ZNF624: variants seen among roughly 807,000 people sequenced by gnomAD.
The protein encoded by ZNF624 is zinc finger protein 624.
A neutral mutation model predicts 74.7 loss-of-function variants in ZNF624; 43 were observed. The observed-to-expected ratio is 0.58, with a 90% confidence interval of 0.45 to 0.74. The LOEUF is 0.74. ZNF624 is among the 30% of genes least tolerant of loss of function. ZNF624 has a pLI of 0.00. For missense variants in ZNF624, 820 were observed against 1,030.0 expected (o/e 0.80, Z 2.79); for synonymous variants, 331 against 341.3 (o/e 0.97, Z 0.33).
chr17:16,619,986 AATAGTT>A (rs1395243263), downstream of ZNF624, among the ~76,000 whole-genome samples: 1 of 152,206 alleles, frequency 6.6e-6, no homozygotes, highest in African/African-American at 2.4e-5. Context: ...GTCTCTTAGT[AATAGTT>A]AATGTTTCAC....
intron 3 of ZNF624, among the ~76,000 whole-genome samples, chr17:16,642,529 A>G (rs1464732120): frequency 6.6e-6 from 1 of 152,228 alleles, no homozygotes; most frequent in Non-Finnish European, 1.5e-5. Flanking sequence ...AAAATGGACT[A>G]TAGACCTAAA....
Position 16,623,477 on chromosome 17 carries a change from T to C in ZNF624, c.1409A>G (p.Lys470Arg), listed in dbSNP as rs1318305123. The change falls in exon 6 of 6, where the codon AAA (lysine) becomes AGA (arginine). Residue 470 changes from lysine (K) to arginine (R), a missense_variant. By Grantham distance (26) the Lys-to-Arg change is conservative (BLOSUM62 2). Coordinates refer to ENST00000311331, the MANE Select transcript of ZNF624 (RefSeq NM_020787.4). This position sits in a 1 kb window ranked among gnomAD's most constrained non-coding sequence, Gnocchi z 5.3. Reference sequence around the variant, plus strand: ...TCCACATTCGTTACATCTAAAAGGTTTCTCTCCAGTATGAATCCTCTGATG... The same window carrying C: ...TCCACATTCGTTACATCTAAAAGGTCTCTCTCCAGTATGAATCCTCTGATG... ...NVHQRIHTGE[K>R]PFRCNECGKA... 1 of 1,613,794 alleles carries C rather than the reference T, an allele frequency of 6.2e-7. No individual in the cohort carries two copies. Among genetic ancestry groups the C allele is most frequent in the South Asian group, 1.1e-5 (1 of 91,014 alleles).
chr17:16,614,351 G>A, the ZNF624 span, among the ~76,000 whole-genome samples: 105 of 152,020 alleles, frequency 6.9e-4, no homozygotes, highest in African/African-American at 2.4e-3. Flanking sequence ...ACTGAAGAAG[G>A]GAACATCACT....
intron 5 of ZNF624, among the ~76,000 whole-genome samples, chr17:16,627,454 T>C (rs1203718266): frequency 1.3e-5 from 2 of 152,204 alleles, no homozygotes; most frequent in Admixed American, 6.5e-5. Flanking sequence ...ATTTGAAATG[T>C]TGGACAAAAG....
rs781695400 is a variant in ZNF624, at chr17:16,633,935, G to A, written c.303C>T (p.Asp101=). 4.3e-6 allele frequency: 7 copies of A among 1,613,336 alleles called. No individual in the cohort carries two copies. Among genetic ancestry groups the A allele is most frequent in the Non-Finnish European group, 5.9e-6 (7 of 1,179,590 alleles). The part of the protein sequence containing the change: ...VSLGLAVSKP[D]MISHLENGKG... ...TCCCATTCTCCAAATGAGATATCAT[G>A]TCTGGTTTGGAAACTGCAAGCCCTG... is the stretch of plus-strand genomic sequence containing the variant. Residue 101 remains aspartate, a synonymous_variant, in exon 5 of 6, where the codon GAC becomes GAT. Coordinates refer to ENST00000311331, the MANE Select transcript of ZNF624 (RefSeq NM_020787.4).
At chr17:16,651,558 G>A (rs573031772) in intron 1 of ZNF624, among the ~76,000 whole-genome samples, 3 of 152,232 alleles carry the variant, frequency 2.0e-5, no homozygotes, top group Non-Finnish European at 2.9e-5. Flanking sequence ...GGAGGAAAGC[G>A]GTACAGTGTG....
rs1176543887 is a variant in ZNF624, at chr17:16,622,713, T to C, written c.2173A>G (p.Lys725Glu). The C allele has an allele frequency of 6.2e-7, 1 of 1,613,884 alleles. No homozygotes were observed. Among genetic ancestry groups the C allele is most frequent in the Non-Finnish European group, 8.5e-7 (1 of 1,179,974 alleles). ...QRTHTGEKPF[K>E]CNDCGKAFSQ... ...AATGCTTTCCCACAGTCATTACATTTAAATGGTTTCTCTCCAGTATGTGTT... is the reference window on the plus strand; with the variant it reads ...AATGCTTTCCCACAGTCATTACATTCAAATGGTTTCTCTCCAGTATGTGTT... Residue 725 changes from lysine to glutamate, a missense_variant, in exon 6 of 6, where the codon AAA becomes GAA. Physicochemically the swap from Lys to Glu is moderately conservative, Grantham distance 56 (BLOSUM62 1). Coordinates refer to ENST00000311331, the MANE Select transcript of ZNF624 (RefSeq NM_020787.4).
At position 16,621,179 on chromosome 17, in the gene ZNF624, TAC is replaced by T. The variant is rs1569039357; in HGVS notation, c.*1107_*1108del. On this transcript the variant is annotated 3_prime_UTR_variant, in exon 6 of 6. Transcript: ENST00000311331. Reference sequence around the variant, plus strand: ...TTGTTATAAAGCAATTATTTATCAATACATTGTGGAAATACATTGAAATCAGC... The same window carrying T: ...TTGTTATAAAGCAATTATTTATCAATATTGTGGAAATACATTGAAATCAGC... 1.3e-5 allele frequency: 2 copies of T among 152,258 alleles called. No homozygotes were observed. 9.4% of individuals were successfully genotyped at this position (152,258 alleles called of 1,614,324 possible). A position where few individuals can be genotyped will look rare whatever the true frequency, so the allele number is the denominator to read the frequency against.
chr17:16,648,366 T>A (rs1224309950), intron 2 of ZNF624, among the ~76,000 whole-genome samples: 1 of 152,150 alleles, frequency 6.6e-6, no homozygotes, highest in Non-Finnish European at 1.5e-5. Flanking sequence ...AAGATCACTA[T>A]GAAAAAATGT....
downstream of ZNF624, chr17:16,617,210 G>C: frequency 1.2e-6 from 2 of 1,612,614 alleles, no homozygotes; most frequent in Non-Finnish European, 1.7e-6. Flanking sequence ...GACCTGGAAC[G>C]GGAGCGACTT....
downstream of ZNF624, chr17:16,617,458 T>G: frequency 6.2e-7 from 1 of 1,611,338 alleles, no homozygotes; most frequent in Non-Finnish European, 8.5e-7. Flanking sequence ...TCCTTCCTTG[T>G]GGGCATCCGC....
intron 1 of ZNF624, among the ~76,000 whole-genome samples, chr17:16,651,405 G>A (rs141514826): frequency 6.6e-6 from 1 of 150,410 alleles, no homozygotes; most frequent in Non-Finnish European, 1.5e-5. Flanking sequence ...ACTCCTGCCT[G>A]GGCGACACAG....
chr17:16,623,117 C>T lies in ZNF624; in HGVS notation c.1769G>A (p.Gly590Glu). 1 of 1,613,928 alleles carries T rather than the reference C, an allele frequency of 6.2e-7. No individual in the cohort carries two copies. The highest frequency in any genetic ancestry group is 1.1e-5 in the South Asian group (1 of 91,066). Residue 590 changes from glycine to glutamate, a missense_variant, in exon 6 of 6, where the codon GGG becomes GAG. By Grantham distance (98) the Gly-to-Glu change is moderately conservative (BLOSUM62 -2). Coordinates refer to ENST00000311331, the MANE Select transcript of ZNF624 (RefSeq NM_020787.4). This position sits in a 1 kb window ranked among gnomAD's most constrained non-coding sequence, Gnocchi z 5.3. ...EEKPYLCNEC[G>E]ESFRIKSHLT... ...GTGTGATTTTATTCTGAAAGACTCC[C>T]CACATTCATTGCACAGATAAGGTTT...
At chr17:16,616,937 A>T, downstream of ZNF624, 3 of 1,562,774 alleles carry the variant, frequency 1.9e-6, no homozygotes, top group Non-Finnish European at 2.6e-6. Context: ...GGTGGAGGGG[A>T]CACAGAGCGG....
intron 5 of ZNF624, among the ~76,000 whole-genome samples, chr17:16,630,412 C>G (rs1489566623): frequency 6.6e-6 from 1 of 152,032 alleles, no homozygotes; most frequent in African/African-American, 2.4e-5. Context: ...CAAAAATTAG[C>G]TGGGCATGGT....
intron 3 of ZNF624, among the ~76,000 whole-genome samples, chr17:16,637,456 A>T (rs980647304): frequency 6.6e-6 from 1 of 152,204 alleles, no homozygotes; most frequent in Non-Finnish European, 1.5e-5. Context: ...GCGCTACCTG[A>T]CTTCAAACTA....
chr17:16,635,610 CCT>C (rs1234012594), intron 3 of ZNF624, among the ~76,000 whole-genome samples: 1 of 151,666 alleles, frequency 6.6e-6, no homozygotes, highest in East Asian at 1.9e-4. Context: ...CAAGATATAC[CCT>C]GAGAAAAATA....
At chr17:16,617,937 G>C, downstream of ZNF624, 2 of 1,137,524 alleles carry the variant, frequency 1.8e-6, no homozygotes, top group Non-Finnish European at 2.6e-6. Flanking sequence ...CCGCAAGCCA[G>C]TAGCCGCGGT....
downstream of ZNF624, chr17:16,616,967 G>C: frequency 1.3e-6 from 2 of 1,594,278 alleles, no homozygotes; most frequent in South Asian, 2.2e-5. Flanking sequence ...GGTGGACCAG[G>C]TAGCGGCGAA....
Sources: allele counts gnomAD v4.1 joint callset (sites outside exome capture counted in the v4.1 genomes callset), GRCh38; gene constraint gnomAD v4.1.1; non-coding constraint Gnocchi (gnomAD v3.1); transcripts MANE v1.5; gene names NCBI Gene and HGNC (gene_info 2026-07-23, HGNC 2026-07-21).